GLDC: variants seen among roughly 807,000 people sequenced by gnomAD.
GLDC encodes the protein glycine dehydrogenase (decarboxylating), mitochondrial.
In GLDC, 104 loss-of-function variants were observed where a neutral mutation model predicts 121.3. The observed-to-expected ratio is 0.86, with a 90% CI of 0.73 to 1.01. The LOEUF (loss-of-function observed/expected upper bound fraction) is 1.01. Ranked by LOEUF, GLDC falls within the 50% of genes least tolerant of loss-of-function variation. GLDC has a pLI of 0.00. For missense variants in GLDC, 1,429 were observed against 1,306.6 expected, an observed-to-expected ratio of 1.09 and a Z score of -1.44; for synonymous variants, 546 against 480.6, an observed-to-expected ratio of 1.14 and a Z score of -1.78.
chr9:6,629,624 CA>C (rs1297554921), intron 2 of GLDC, among the ~76,000 whole-genome samples: 6 of 151,932 alleles, frequency 3.9e-5, no homozygotes, highest in Non-Finnish European at 5.9e-5. Context: ...CACACACACA[CA>C]CATGCACACA....
chr9:6,558,499 T>A (rs868474291), intron 17 of GLDC, 60 bp downstream of exon 17: 7 of 1,589,638 alleles, frequency 4.4e-6, no homozygotes, highest in Middle Eastern at 1.8e-4. Context: ...ATCAAGTCCC[T>A]GATCCCCACC....
chr9:6,644,435 C>T, intron 2 of GLDC, 179 bp downstream of exon 2: 2 of 655,480 alleles, frequency 3.1e-6, no homozygotes, highest in South Asian at 3.5e-5. Context: ...AAACTGTCTG[C>T]TCCGAGAACC....
In GLDC at chr9:6,638,880, G is replaced by A. The variant is rs192877595; in HGVS notation, c.334+5734C>T. Among the ~76,000 whole-genome samples, 191 of 152,114 alleles carry A rather than the reference G, an allele frequency of 1.3e-3. 2 individuals carry two copies. The highest frequency in any genetic ancestry group is 2.1e-3 in the Non-Finnish European group (146 of 67,992). On this transcript the variant is annotated intron_variant, in intron 2 of 24. Coordinates refer to ENST00000321612, the MANE Select transcript of GLDC (RefSeq NM_000170.3). ...AAAAACTAGCTGGGCATGGTGGTGC[G>A]TGCCTGTAGTCTCAGCTACTCGGGA...
chr9:6,542,976 G>T (rs1235217814), intron 21 of GLDC, among the ~76,000 whole-genome samples: 13 of 151,606 alleles, frequency 8.6e-5, no homozygotes, highest in Admixed American at 8.6e-4. Context: ...AATAGTAAGT[G>T]GAATGTTCAA....
intron 16 of GLDC, 114 bp from the exon 17 acceptor site, chr9:6,558,798 T>G (rs1297800849): frequency 5.4e-6 from 6 of 1,111,380 alleles, no homozygotes; most frequent in Non-Finnish European, 8.1e-6. Flanking sequence ...CTGTTTTTAT[T>G]TAGGCTGAAC....
At chr9:6,555,960 ATT>A (rs1817620765) in intron 18 of GLDC, among the ~76,000 whole-genome samples, 191 bp downstream of exon 18, 1 of 152,176 alleles carries the variant, frequency 6.6e-6, no homozygotes, top group Non-Finnish European at 1.5e-5. Context: ...TTGAGCCCCC[ATT>A]TCACAGCTGA....
In GLDC at chr9:6,553,354, C is replaced by T. The variant is rs1164661663; in HGVS notation, c.2457+14G>A. On this transcript the variant is annotated intron_variant, in intron 20 of 24. Transcript: ENST00000321612. ...CCACCCACCTGCACACCTGCACATA[C>T]TCCCAGGCCTCACCTTGATATAAGC... is the stretch of plus-strand genomic sequence containing the variant. 1.2e-6 allele frequency: 2 copies of T among 1,613,512 alleles called. No homozygotes were observed. Among genetic ancestry groups the T allele is most frequent in the Non-Finnish European group, 1.7e-6 (2 of 1,179,694 alleles).
chr9:6,540,724 G>C (rs539117452), intron 21 of GLDC: 4 of 159,376 alleles, frequency 2.5e-5, no homozygotes, highest in African/African-American at 9.6e-5. Flanking sequence ...AATACGCGAC[G>C]TCAAACAGTA....
rs534530908 is a variant in GLDC at position 6,572,113 on chromosome 9, ATTG to A, written c.1851-6687_1851-6685del. On this transcript the variant is annotated intron_variant, in intron 15 of 24. Transcript: ENST00000321612. ...GGGAAAAACAAAAAACAGAATAAAA[ATTG>A]TTGGGATCTAGGGTAGATTTGAAAC... Among the ~76,000 whole-genome samples, 1,139 of 152,330 alleles carry A rather than the reference ATTG, an allele frequency of 7.5e-3. 12 individuals are homozygous for A. The highest frequency in any genetic ancestry group is 0.027 in the Middle Eastern group (8 of 294).
At position 6,532,743 on chromosome 9, in the gene GLDC, G is replaced by C. The variant is rs1817025674; in HGVS notation, c.*274C>G. 1 of 436,564 alleles carries C rather than the reference G, an allele frequency of 2.3e-6. No homozygotes were observed. The highest frequency in any genetic ancestry group is 4.2e-6 in the Non-Finnish European group (1 of 235,802). The allele number at this position is 436,564 out of a possible 1,614,324, so 27.0% of individuals were successfully genotyped here. A position where few individuals can be genotyped will look rare whatever the true frequency, so the allele number is the denominator to read the frequency against. Reference sequence around the variant, plus strand: ...CAAACTTGCCACATTAAAAGTTAAAGTTCCTAAAACTTTCTACGCAAAACA... The same window carrying C: ...CAAACTTGCCACATTAAAAGTTAAACTTCCTAAAACTTTCTACGCAAAACA... On this transcript the variant is annotated 3_prime_UTR_variant, in exon 25 of 25. Coordinates refer to ENST00000321612, the MANE Select transcript of GLDC (RefSeq NM_000170.3).
At chr9:6,552,702 G>A (rs1817540012) in intron 20 of GLDC, among the ~76,000 whole-genome samples, 1 of 152,280 alleles carries the variant, frequency 6.6e-6, no homozygotes, top group African/African-American at 2.4e-5. Flanking sequence ...AGCCAAACAA[G>A]TGTTCTTATT....
intron 2 of GLDC, among the ~76,000 whole-genome samples, chr9:6,636,965 T>A (rs914475680): frequency 3.3e-5 from 5 of 151,492 alleles, no homozygotes; most frequent in Non-Finnish European, 7.4e-5. Context: ...GTGCCTGTAA[T>A]CCCAGCTACT....
intron 2 of GLDC, among the ~76,000 whole-genome samples, chr9:6,620,572 GT>G (rs1186418315): frequency 1.3e-5 from 2 of 150,988 alleles, no homozygotes; most frequent in Non-Finnish European, 2.9e-5. Context: ...ATTCGGTTCT[GT>G]TTGCTAGAAC....
At position 6,639,317 on chromosome 9, in the gene GLDC, A is replaced by G. The variant is rs1819577813; in HGVS notation, c.334+5297T>C. 5 of 933,712 alleles carry G rather than the reference A, an allele frequency of 5.4e-6. No homozygotes were observed. The East Asian group carries it at 1.2e-4, about 22-fold the overall frequency. The allele number at this position is 933,712 out of a possible 1,614,324, so 57.8% of individuals were successfully genotyped here. Reference sequence around the variant, plus strand: ...ACCCTGCGACTCCAGAGACAGCCCAAATATCCTCGGAAGAGCGCCCCCAGG... The same window carrying G: ...ACCCTGCGACTCCAGAGACAGCCCAGATATCCTCGGAAGAGCGCCCCCAGG... On this transcript the variant is annotated intron_variant, in intron 2 of 24. Coordinates refer to ENST00000321612, the MANE Select transcript of GLDC (RefSeq NM_000170.3).
chr9:6,576,621 C>A (rs1028838767), intron 15 of GLDC, among the ~76,000 whole-genome samples: 4 of 152,098 alleles, frequency 2.6e-5, no homozygotes, highest in African/African-American at 9.7e-5. Context: ...CCCCTGCCAC[C>A]ACACCTGGCT....
chr9:6,644,596 G>A lies in GLDC; in HGVS notation c.334+18C>T. On this transcript the variant is annotated intron_variant, in intron 2 of 24. Coordinates refer to ENST00000321612, the MANE Select transcript of GLDC (RefSeq NM_000170.3). ...GCCAGAATAATCTAAGTCCAAGGGA[G>A]CCCTCCCGGCCACTTACAAACAGGG... is the stretch of plus-strand genomic sequence containing the variant. 6.4e-7 allele frequency: 1 copy of A among 1,554,002 alleles called. No individual in the cohort carries two copies. Among genetic ancestry groups the A allele is most frequent in the Non-Finnish European group, 8.9e-7 (1 of 1,125,216 alleles).
chr9:6,617,933 G>T (rs535411146), intron 3 of GLDC, among the ~76,000 whole-genome samples: 7 of 152,300 alleles, frequency 4.6e-5, no homozygotes, highest in African/African-American at 1.7e-4. Context: ...AGTAAAGTTG[G>T]TTTTTACATA....
intron 21 of GLDC, among the ~76,000 whole-genome samples, chr9:6,543,206 T>C (rs1436055308): frequency 1.3e-5 from 2 of 151,860 alleles, no homozygotes; most frequent in Non-Finnish European, 2.9e-5. Flanking sequence ...TCCCAGGAGG[T>C]TGAGGCTGCA....
At chr9:6,551,167 G>A (rs1817507301) in intron 20 of GLDC, among the ~76,000 whole-genome samples, 1 of 152,196 alleles carries the variant, frequency 6.6e-6, no homozygotes, top group Admixed American at 6.5e-5. Flanking sequence ...CTACAACAGG[G>A]CAAGCTGACT....
Sources: allele counts gnomAD v4.1 joint callset (sites outside exome capture counted in the v4.1 genomes callset), GRCh38; gene constraint gnomAD v4.1.1; transcripts MANE v1.5; gene names NCBI Gene and HGNC (gene_info 2026-07-23, HGNC 2026-07-21).